Variants in MRPL32 observed in about 807,000 individuals in gnomAD.
MRPL32 encodes the protein large ribosomal subunit protein bL32m.
A neutral mutation model predicts 21.7 loss-of-function variants in MRPL32; 14 were observed. The observed-to-expected ratio is 0.64, with a 90% CI of 0.43 to 1.01. The LOEUF (loss-of-function observed/expected upper bound fraction) is 1.01. Ranked by LOEUF, MRPL32 falls within the 50% of genes least tolerant of loss-of-function variation. The pLI is 0.00. For synonymous variants in MRPL32, 83 were observed against 87.7 expected, an observed-to-expected ratio of 0.95 and a Z score of 0.30; for missense variants, 211 against 235.9, an observed-to-expected ratio of 0.89 and a Z score of 0.69.
At chr7:42,934,601 A>G (rs1007430368) in intron 1 of MRPL32, among the ~76,000 whole-genome samples, 7 of 152,184 alleles carry the variant, frequency 4.6e-5, no homozygotes, top group Non-Finnish European at 7.3e-5. Flanking sequence ...GGTACTTACT[A>G]CCCGCCAAGT....
At chr7:42,934,094 C>T (rs1210040201) in intron 1 of MRPL32, among the ~76,000 whole-genome samples, 2 of 152,006 alleles carry the variant, frequency 1.3e-5, no homozygotes, top group Non-Finnish European at 2.9e-5. Flanking sequence ...CATTGTGAAA[C>T]CCTGTCTCTA....
chr7:42,935,151 T>G lies in MRPL32; in HGVS notation c.312+15T>G. On this transcript the variant is annotated intron_variant, in intron 2 of 2. Coordinates refer to ENST00000223324, the MANE Select transcript of MRPL32 (RefSeq NM_031903.3). ...TTAAAGTTAAGGTAATGCATTGATT[T>G]TTGTGGGTGTGCTTTTCCTCAAGTC... 1 of 1,601,236 alleles carries G rather than the reference T, an allele frequency of 6.2e-7. No homozygotes were observed. Among genetic ancestry groups the G allele is most frequent in the Non-Finnish European group, 8.5e-7 (1 of 1,173,968 alleles).
chr7:42,932,578 G>T (rs1786341204), intron 1 of MRPL32, 62 bp downstream of exon 1: 1 of 1,511,026 alleles, frequency 6.6e-7, no homozygotes. Flanking sequence ...CAGCGTAGCA[G>T]ACGCAGCTTA....
chr7:42,935,346 A>G (rs1786407824), intron 2 of MRPL32: 1 of 416,908 alleles, frequency 2.4e-6, no homozygotes, highest in African/African-American at 2.0e-5. Context: ...AACACAGTCA[A>G]GGAAGGAGTG....
At chr7:42,932,618 C>G in intron 1 of MRPL32, 102 bp downstream of exon 1, 1 of 1,312,124 alleles carries the variant, frequency 7.6e-7, no homozygotes, top group South Asian at 1.7e-5. Flanking sequence ...CGGTTCTGAT[C>G]CGCGGCCTCA....
chr7:42,937,253 T>C (rs1786440108), intron 2 of MRPL32, 69 bp from the exon 3 acceptor site: 2 of 1,611,560 alleles, frequency 1.2e-6, no homozygotes, highest in Non-Finnish European at 1.7e-6. Flanking sequence ...TAAGCATTGC[T>C]CCTGTCAGTG....
intron 1 of MRPL32, among the ~76,000 whole-genome samples, chr7:42,933,758 G>A (rs908882274): frequency 2.6e-5 from 4 of 152,104 alleles, no homozygotes; most frequent in African/African-American, 9.7e-5. Flanking sequence ...CTTTCTACAT[G>A]TACTTCCTGG....
At chr7:42,935,310 T>G (rs1426477462) in intron 2 of MRPL32, 174 bp downstream of exon 2, 1 of 552,458 alleles carries the variant, frequency 1.8e-6, no homozygotes, top group Non-Finnish European at 3.1e-6. Flanking sequence ...GGCTAGAGCC[T>G]GCTGTCCTCT....
intron 1 of MRPL32, among the ~76,000 whole-genome samples, chr7:42,933,634 C>CAA (rs1274365392): frequency 6.6e-6 from 1 of 152,246 alleles, no homozygotes; most frequent in African/African-American, 2.4e-5. Context: ...GATGTTGAAA[C>CAA]TGTCATGGCT....
chr7:42,934,610 G>A (rs1367184354), intron 1 of MRPL32, among the ~76,000 whole-genome samples: 2 of 152,304 alleles, frequency 1.3e-5, no homozygotes, highest in East Asian at 3.9e-4. Context: ...TACCCGCCAA[G>A]TATTAATAGA....
Position 42,935,071 on chromosome 7 carries a change from A to C in MRPL32, c.247A>C (p.Asn83His), listed in dbSNP as rs1786403453. Reference protein sequence around the residue: ...DSIFWMAAPKNRRTIEVNRCR... With the variant: ...DSIFWMAAPKHRRTIEVNRCR... ...TATCTTTTGGATGGCAGCTCCCAAA[A>C]ATAGACGCACCATTGAAGTTAACCG... Residue 83 changes from asparagine (N) to histidine (H), a missense_variant, in exon 2 of 3, where the codon AAT (asparagine) becomes CAT (histidine). Coordinates refer to ENST00000223324, the MANE Select transcript of MRPL32 (RefSeq NM_031903.3). The C allele has an allele frequency of 1.2e-6, 2 of 1,614,140 alleles. No individual in the cohort carries two copies. The highest frequency in any genetic ancestry group is 1.7e-6 in the Non-Finnish European group (2 of 1,180,020).
In MRPL32 at chr7:42,932,436, G is replaced by A. The variant is rs759646308; in HGVS notation, c.50G>A (p.Arg17Gln). ...GTGGTTTCGCCGTGGTCTGCGGCCC[G>A]GGGAGTGCTTCGAAACTACTGGGAG... ...VLVVSPWSAARGVLRNYWERL... is the reference protein window; with the variant it reads ...VLVVSPWSAAQGVLRNYWERL... Residue 17 changes from arginine to glutamine, a missense_variant, in exon 1 of 3, where the codon CGG (arginine) becomes CAG (glutamine). Around this residue, in one of 2 missense-constraint regions of MRPL32, gnomAD observed 81 missense variants for 55.8 expected, o/e 1.45. Transcript: ENST00000223324. 12 of 1,612,602 alleles carry A rather than the reference G, an allele frequency of 7.4e-6. No individual in the cohort carries two copies. The highest frequency in any genetic ancestry group is 3.3e-5 in the Admixed American group (2 of 59,974).
chr7:42,934,223 A>G (rs1436905440), intron 1 of MRPL32, among the ~76,000 whole-genome samples: 1 of 150,308 alleles, frequency 6.7e-6, no homozygotes, highest in East Asian at 2.0e-4. Context: ...AGCCGAGGTC[A>G]CGCCACTGCA....
At chr7:42,933,803 A>G (rs1248910184) in intron 1 of MRPL32, among the ~76,000 whole-genome samples, 1 of 152,206 alleles carries the variant, frequency 6.6e-6, no homozygotes, top group Non-Finnish European at 1.5e-5. Flanking sequence ...AGGTGTATAC[A>G]CTTTCCAACT....
chr7:42,935,086 G>C lies in MRPL32; in HGVS notation c.262G>C (p.Glu88Gln). The change falls in exon 2 of 3, where the codon GAA (glutamate) becomes CAA (glutamine). Residue 88 changes from glutamate to glutamine, a missense_variant. Transcript: ENST00000223324. ...AGCTCCCAAAAATAGACGCACCATT[G>C]AAGTTAACCGGTGTAGGAGAAGAAA... ...MAAPKNRRTI[E>Q]VNRCRRRNPQ... is the part of the protein sequence containing the mutation. 1 of 1,614,036 alleles carries C rather than the reference G, an allele frequency of 6.2e-7. No homozygotes were observed. The highest frequency in any genetic ancestry group is 8.5e-7 in the Non-Finnish European group (1 of 1,180,000).
intron 1 of MRPL32, among the ~76,000 whole-genome samples, chr7:42,933,455 C>T (rs555191158): frequency 6.6e-6 from 1 of 151,712 alleles, no homozygotes; most frequent in African/African-American, 2.4e-5. Flanking sequence ...CACCTCCCCT[C>T]CCGCTTCCCC....
At chr7:42,933,310 T>C (rs1488061752) in intron 1 of MRPL32, among the ~76,000 whole-genome samples, 1 of 152,152 alleles carries the variant, frequency 6.6e-6, no homozygotes, top group African/African-American at 2.4e-5. Context: ...TGCTAGAAAC[T>C]ATGCTAGAGT....
At position 42,935,082 on chromosome 7, in the gene MRPL32, C is replaced by T. The variant is rs768668583; in HGVS notation, c.258C>T (p.Thr86=). The change falls in exon 2 of 3, where the codon ACC becomes ACT. Residue 86 remains threonine, a synonymous_variant. Coordinates refer to ENST00000223324, the MANE Select transcript of MRPL32 (RefSeq NM_031903.3). The stretch of plus-strand genomic sequence containing the variant: ...TGGCAGCTCCCAAAAATAGACGCAC[C>T]ATTGAAGTTAACCGGTGTAGGAGAA... ...FWMAAPKNRR[T]IEVNRCRRRN... The T allele has an allele frequency of 2.5e-6, 4 of 1,614,034 alleles. No homozygotes were observed. Among genetic ancestry groups the T allele is most frequent in the Non-Finnish European group, 3.4e-6 (4 of 1,180,002 alleles).
At chr7:42,932,789 C>A (rs995942048) in intron 1 of MRPL32, among the ~76,000 whole-genome samples, 1 of 151,700 alleles carries the variant, frequency 6.6e-6, no homozygotes, top group African/African-American at 2.4e-5. Context: ...TCATAGCCAG[C>A]CAGTAAGTAA....
Sources: gnomAD v4.1 joint callset for allele counts (sites outside exome capture counted in the v4.1 genomes callset) on GRCh38, gnomAD v4.1.1 for gene constraint, gnomAD v4.1.1 regional missense constraint, MANE v1.5 for transcripts, NCBI Gene and HGNC (gene_info 2026-07-23, HGNC 2026-07-21) for gene names.